Variants in RANBP2 observed in about 807,000 individuals in gnomAD.
RANBP2 encodes the protein RAN binding protein 2, also known as E3 SUMO-protein ligase RanBP2.
A neutral mutation model predicts 303.6 loss-of-function variants in RANBP2; 57 were observed. The observed-to-expected ratio is 0.19, with a 90% CI of 0.15 to 0.23. The LOEUF (loss-of-function observed/expected upper bound fraction) is 0.23, where lower values mean the gene tolerates loss of function less well. Among genes scored for constraint, RANBP2 ranks in the 10% least tolerant of loss-of-function variants. The pLI, the probability that RANBP2 is intolerant of heterozygous loss-of-function variation, is 1.00. For synonymous variants in RANBP2, 1,167 were observed against 1,301.5 expected (o/e 0.90, Z 2.23); for missense variants, 3,138 against 3,780.8 (o/e 0.83, Z 4.46).
the RANBP2 span, among the ~76,000 whole-genome samples, chr2:108,795,116 T>G: frequency 1.1e-4 from 16 of 151,982 alleles, 1 homozygote. Flanking sequence ...ATTTGCTTAT[T>G]ATCTGCCTTT....
chr2:108,945,873 G>A, the RANBP2 span, among the ~76,000 whole-genome samples: 2 of 152,146 alleles, frequency 1.3e-5, no homozygotes, highest in Non-Finnish European at 2.9e-5. Flanking sequence ...TCACAGAGAC[G>A]GAAAGTAGAA....
chr2:109,446,543 G>A, the RANBP2 span, among the ~76,000 whole-genome samples: 2 of 152,290 alleles, frequency 1.3e-5, no homozygotes, highest in Admixed American at 6.5e-5. Context: ...AGGCAGCACC[G>A]TGAAGGTGGT....
chr2:109,007,482 A>G, the RANBP2 span, among the ~76,000 whole-genome samples: 1 of 152,190 alleles, frequency 6.6e-6, no homozygotes, highest in Non-Finnish European at 1.5e-5. Flanking sequence ...AAACTAACTC[A>G]TCCCATATTT....
At chr2:109,135,623 A>G in the RANBP2 span, among the ~76,000 whole-genome samples, 4 of 152,034 alleles carry the variant, frequency 2.6e-5, no homozygotes, top group Admixed American at 6.6e-5. Flanking sequence ...TTAGTATTCT[A>G]AGTTAAGGGT....
At chr2:108,770,885 T>A (rs1317584213) in intron 20 of RANBP2, among the ~76,000 whole-genome samples, 1 of 152,184 alleles carries the variant, frequency 6.6e-6, no homozygotes, top group Non-Finnish European at 1.5e-5. Flanking sequence ...TGTGAGGTTT[T>A]AATAGAATGT....
chr2:109,472,350 G>A, the RANBP2 span, among the ~76,000 whole-genome samples: 1 of 130,858 alleles, frequency 7.6e-6, no homozygotes, highest in Non-Finnish European at 1.7e-5. Context: ...GTGGTCTCGG[G>A]CCGGTGTGCA....
At chr2:109,393,655 G>A in the RANBP2 span, among the ~76,000 whole-genome samples, 2 of 152,056 alleles carry the variant, frequency 1.3e-5, no homozygotes, top group East Asian at 3.9e-4. Context: ...CCACCAAGAT[G>A]TGGGTTTCAG....
chr2:109,366,343 GTAGT>G, the RANBP2 span, among the ~76,000 whole-genome samples: 1 of 152,140 alleles, frequency 6.6e-6, no homozygotes, highest in Non-Finnish European at 1.5e-5. Flanking sequence ...ATGTCTCTGT[GTAGT>G]TAGTGAGGAA....
intron 19 of RANBP2, 49 bp downstream of exon 19, chr2:108,762,244 G>C: frequency 6.8e-7 from 1 of 1,477,794 alleles, no homozygotes; most frequent in Non-Finnish European, 8.9e-7. Flanking sequence ...TTTTTAAATT[G>C]TTTAGGGTTC....
At chr2:108,813,512 T>C in the RANBP2 span, among the ~76,000 whole-genome samples, 1 of 152,314 alleles carries the variant, frequency 6.6e-6, no homozygotes, top group African/African-American at 2.4e-5. Context: ...CTTTATTGCT[T>C]AGTATGTTTT....
At chr2:109,592,939 A>G in the RANBP2 span, 4 of 561,544 alleles carry the variant, frequency 7.1e-6, no homozygotes, top group Non-Finnish European at 1.2e-5. Context: ...GTTGGAGGTA[A>G]GTACAAACAG....
chr2:109,536,443 C>T, the RANBP2 span, among the ~76,000 whole-genome samples: 1 of 152,106 alleles, frequency 6.6e-6, no homozygotes, highest in Non-Finnish European at 1.5e-5. Context: ...CCTGTAGCCC[C>T]TTTCTTTTGG....
At chr2:108,736,318 T>G in intron 6 of RANBP2, 69 bp downstream of exon 6, 1 of 1,610,568 alleles carries the variant, frequency 6.2e-7, no homozygotes. Flanking sequence ...AGTTCATTGC[T>G]CTAAACTTCT....
At chr2:109,716,441 C>T in the RANBP2 span, among the ~76,000 whole-genome samples, 31 of 151,896 alleles carry the variant, frequency 2.0e-4, no homozygotes, top group South Asian at 8.3e-4. Flanking sequence ...TAGTAGAGAC[C>T]GGGTTTCACC....
the RANBP2 span, among the ~76,000 whole-genome samples, chr2:109,279,210 G>C: frequency 6.6e-6 from 1 of 152,188 alleles, no homozygotes; most frequent in Non-Finnish European, 1.5e-5. Flanking sequence ...GACATGAAGC[G>C]TGCTATTAGC....
the RANBP2 span, among the ~76,000 whole-genome samples, chr2:109,014,059 A>G: frequency 6.6e-6 from 1 of 152,332 alleles, no homozygotes. Flanking sequence ...CTTAAGGACA[A>G]AATTTGATAT....
the RANBP2 span, among the ~76,000 whole-genome samples, chr2:108,992,281 T>C: frequency 6.6e-5 from 10 of 152,326 alleles, no homozygotes; most frequent in East Asian, 1.7e-3. Context: ...TAGATCACAA[T>C]GAGAACAACA....
At chr2:108,796,617 A>G in the RANBP2 span, among the ~76,000 whole-genome samples, 3 of 152,230 alleles carry the variant, frequency 2.0e-5, no homozygotes, top group Non-Finnish European at 4.4e-5. Context: ...TGGTATCTAT[A>G]CACAATGGAA....
chr2:109,015,297 C>A, the RANBP2 span, among the ~76,000 whole-genome samples: 1 of 152,060 alleles, frequency 6.6e-6, no homozygotes, highest in Admixed American at 6.6e-5. Context: ...ACAGAGACAG[C>A]AAGACCAACC....
Sources: allele counts gnomAD v4.1 joint callset (sites outside exome capture counted in the v4.1 genomes callset), GRCh38; gene constraint gnomAD v4.1.1; transcripts MANE v1.5; gene names NCBI Gene and HGNC (gene_info 2026-07-23, HGNC 2026-07-21).